Variants in ARHGAP4 observed in about 807,000 individuals in gnomAD.
The protein encoded by ARHGAP4 is rho GTPase-activating protein 4.
Under a neutral mutation model 67.6 loss-of-function variants are expected in ARHGAP4, and 25 were observed. The observed-to-expected ratio is 0.37, with a 90% CI of 0.27 to 0.52. The LOEUF is 0.52. Ranked by LOEUF, ARHGAP4 falls within the 20% of genes least tolerant of loss-of-function variation. The pLI, the probability that ARHGAP4 is intolerant of heterozygous loss-of-function variation, is 0.92. For synonymous variants in ARHGAP4, 448 were observed against 373.7 expected (o/e 1.20, Z -2.29); for missense variants, 804 against 854.6 (o/e 0.94, Z 0.74).
intron 1 of ARHGAP4, chrX:153,922,363 G>A (rs1557105548): frequency 2.6e-6 from 2 of 755,897 alleles, no homozygotes; most frequent in Non-Finnish European, 1.6e-6. Flanking sequence ...CCACAGTGAG[G>A]GCTGGGAGCC....
In ARHGAP4 at chrX:153,909,930, G is replaced by A. The variant is rs1557102475; in HGVS notation, c.2231-6C>T. On this transcript the variant is annotated splice_polypyrimidine_tract_variant and splice_region_variant and intron_variant, in intron 18 of 21. Transcript: ENST00000350060. ...CTCCACGACCCCCTCCAGGTCTGGG[G>A]AGGAGAGGGGGTCCAAGCTGTGGGA... 5.8e-6 allele frequency: 7 copies of A among 1,207,932 alleles called. No homozygotes were observed. In the East Asian group the frequency reaches 8.9e-5, roughly 15 times the overall value.
In ARHGAP4 at chrX:153,921,447, G is replaced by T. The variant is rs142621606; in HGVS notation, c.353C>A (p.Ala118Glu). ...CCCGGCCAGCACCTCACTCAGGGCC[G>T]CGCTCTCCCGGCTCTGCTGCCGCGT... is the stretch of plus-strand genomic sequence containing the variant. Reference protein sequence around the residue: ...QHTRQQSRESAALSEVLAGPL... With the variant: ...QHTRQQSRESEALSEVLAGPL... Residue 118 changes from alanine to glutamate, a missense_variant, in exon 3 of 22, where the codon GCG becomes GAG. This residue lies in a region of ARHGAP4 where 404 missense variants were observed against 505.9 expected (regional missense o/e 0.80). Transcript: ENST00000350060. The T allele has an allele frequency of 1.7e-6, 2 of 1,206,501 alleles. No individual in the cohort carries two copies. Among genetic ancestry groups the T allele is most frequent in the African/African-American group, 1.7e-5 (1 of 57,839 alleles).
At chrX:153,917,985 C>T (rs782017258) in intron 7 of ARHGAP4, among the ~76,000 whole-genome samples, 2 of 111,902 alleles carry the variant, frequency 1.8e-5, no homozygotes, top group South Asian at 3.7e-4. Flanking sequence ...GAGGACAGTG[C>T]TGGGACGAGG....
rs1441812482 is a variant in ARHGAP4 at position 153,909,510 on chromosome X, C to G, written c.2440G>C (p.Gly814Arg). ...AGTEKQVVGA[G>R]LQTAGESGSS... ...CCAGACTCCCCTGCAGTCTGCAGCCCTGCGCCCACCACCTGCTTCTCCGTC... is the reference window on the plus strand; with the variant it reads ...CCAGACTCCCCTGCAGTCTGCAGCCGTGCGCCCACCACCTGCTTCTCCGTC... Residue 814 changes from glycine to arginine, a missense_variant, in exon 20 of 22, where the codon GGG (glycine) becomes CGG (arginine). Gly to Arg is a moderately radical substitution (Grantham distance 125). Coordinates refer to ENST00000350060, the MANE Select transcript of ARHGAP4 (RefSeq NM_001666.5). The G allele has an allele frequency of 1.9e-5, 23 of 1,208,298 alleles. No individual in the cohort carries two copies. Among genetic ancestry groups the G allele is most frequent in the Non-Finnish European group, 4.5e-6 (4 of 894,273 alleles).
rs782603829 is a variant in ARHGAP4 at position 153,907,747 on chromosome X, C to T, written c.2823G>A (p.Thr941=). The change falls in exon 22 of 22, where the codon ACG becomes ACA. Residue 941 remains threonine, a synonymous_variant. Transcript: ENST00000350060. ...CGGCACCTCAGTGTGGCTTGGGGGT[C>T]GTGTCTAGGCCCTGGGGGTGGGAAG... ...PSASHPQGLD[T]TPKPH 47 of 999,551 alleles carry T rather than the reference C, an allele frequency of 4.7e-5. No individual in the cohort carries two copies. The highest frequency in any genetic ancestry group is 2.3e-4 in the Admixed American group (6 of 25,822). 82.4% of individuals were successfully genotyped at this position (999,551 alleles called of 1,213,427 possible). A position where few individuals can be genotyped will look rare whatever the true frequency, so the allele number is the denominator to read the frequency against.
At chrX:153,912,941 G>A (rs2065030973) in intron 11 of ARHGAP4, 83 bp downstream of exon 11, 1 of 1,140,106 alleles carries the variant, frequency 8.8e-7, no homozygotes, top group African/African-American at 1.8e-5. Flanking sequence ...GTGAGGCCCA[G>A]GGGATTGGGC....
rs782406427 is a variant in ARHGAP4 at position 153,910,329 on chromosome X, C to T, written c.1998G>A (p.Pro666=). 7.4e-6 allele frequency: 9 copies of T among 1,208,841 alleles called. No individual in the cohort carries two copies. The highest frequency in any genetic ancestry group is 5.9e-5 in the East Asian group (2 of 33,761). The change falls in exon 17 of 22, where the codon CCG becomes CCA. Residue 666 remains proline (P), a synonymous_variant. Coordinates refer to ENST00000350060, the MANE Select transcript of ARHGAP4 (RefSeq NM_001666.5). ...CCACCGGGTCCTGCCCAGCGGGCAC[C>T]GGTAGCAGCGTGGGCCCGAAGCACA... is the stretch of plus-strand genomic sequence containing the variant. ...LAVCFGPTLL[P]VPAGQDPVAL...
At chrX:153,924,528 T>C (rs2065115334) in intron 1 of ARHGAP4, among the ~76,000 whole-genome samples, 1 of 111,848 alleles carries the variant, frequency 8.9e-6, no homozygotes, top group African/African-American at 3.3e-5. Context: ...ATTATCATAA[T>C]GCAAAGTCTA....
chrX:153,918,776 C>A (rs1179953396), intron 7 of ARHGAP4, 56 bp downstream of exon 7: 12 of 1,134,361 alleles, frequency 1.1e-5, no homozygotes, highest in Non-Finnish European at 1.4e-5. Context: ...CACTCCACTG[C>A]CCACCATTAC....
intron 7 of ARHGAP4, among the ~76,000 whole-genome samples, chrX:153,916,066 T>C (rs1557104232): frequency 9.0e-6 from 1 of 111,547 alleles, no homozygotes. Flanking sequence ...CTGTGTGACC[T>C]TGATGGGCGA....
At position 153,926,104 on chromosome X, in the gene ARHGAP4, A is replaced by C. The variant is rs781825949; in HGVS notation, c.67+32T>G. On this transcript the variant is annotated intron_variant, in intron 1 of 21. Coordinates refer to ENST00000350060, the MANE Select transcript of ARHGAP4 (RefSeq NM_001666.5). ...CTCACGACCTTGGGTTCTCCGCAGGAAACGGGCCGGGAGCGCCCGGCGCCC... is the reference window on the plus strand; with the variant it reads ...CTCACGACCTTGGGTTCTCCGCAGGCAACGGGCCGGGAGCGCCCGGCGCCC... The C allele has an allele frequency of 2.5e-6, 3 of 1,199,157 alleles. No individual in the cohort carries two copies. The Admixed American group carries it at 6.6e-5, about 26-fold the overall frequency.
chrX:153,908,008 A>G, intron 21 of ARHGAP4, 46 bp from the exon 22 acceptor site: 1 of 1,103,124 alleles, frequency 9.1e-7, no homozygotes, highest in East Asian at 3.5e-5. Flanking sequence ...AGTTCCCCCG[A>G]CTGACCCTGC....
At position 153,909,147 on chromosome X, in the gene ARHGAP4, C is replaced by T; in HGVS notation, c.2530G>A (p.Glu844Lys). 2 of 1,210,269 alleles carry T rather than the reference C, an allele frequency of 1.7e-6. No individual in the cohort carries two copies. The highest frequency in any genetic ancestry group is 1.1e-6 in the Non-Finnish European group (1 of 894,973). Residue 844 changes from glutamate (E) to lysine (K), a missense_variant, in exon 21 of 22, where the codon GAG (glutamate) becomes AAG (lysine). Coordinates refer to ENST00000350060, the MANE Select transcript of ARHGAP4 (RefSeq NM_001666.5). ...CTGTGTCCAGAGGGTCCCATGGCCT[C>T]AGGTGAGGTGCATGGCTCTGGCCTG... ...VHRPEPCTSPEAMGPSGHRRR... is the reference protein window; with the variant it reads ...VHRPEPCTSPKAMGPSGHRRR...
chrX:153,921,572 CT>C (rs782815637), intron 2 of ARHGAP4, 32 bp downstream of exon 2: 30 of 1,202,916 alleles, frequency 2.5e-5, no homozygotes, highest in Non-Finnish European at 3.3e-5. Flanking sequence ...AGCTTGGGCC[CT>C]GCCGTGGCCC....
rs782347237 is a variant in ARHGAP4, at chrX:153,921,708, C to T, written c.169G>A (p.Ala57Thr). 3.3e-6 allele frequency: 4 copies of T among 1,203,984 alleles called. No homozygotes were observed. Among genetic ancestry groups the T allele is most frequent in the South Asian group, 1.8e-5 (1 of 55,927 alleles). Residue 57 changes from alanine (A) to threonine (T), a missense_variant, in exon 2 of 22, where the codon GCT becomes ACT. Ala to Thr is a moderately conservative substitution (Grantham distance 58, BLOSUM62 0). Transcript: ENST00000350060. ...QELAEFMRRR[A>T]EVELEYSRGL... ...CGGGAGTATTCCAGCTCCACCTCAGCGCGGCGCCGCATGAACTCTGCCAGC... is the reference window on the plus strand; with the variant it reads ...CGGGAGTATTCCAGCTCCACCTCAGTGCGGCGCCGCATGAACTCTGCCAGC...
At chrX:153,910,140 C>A (rs955020209) in intron 17 of ARHGAP4, 31 bp downstream of exon 17, 1 of 1,210,616 alleles carries the variant, frequency 8.3e-7, no homozygotes, top group Admixed American at 2.2e-5. Context: ...CAGTGGACCC[C>A]CCAGTCCCCT....
At chrX:153,910,895 A>ACCCCCC in intron 14 of ARHGAP4, 27 bp downstream of exon 14, 3 of 472,474 alleles carry the variant, frequency 6.3e-6, no homozygotes, top group Non-Finnish European at 5.8e-6. Context: ...CCGAGCCCCC[A>ACCCCCC]CCCCCGCCCG....
At chrX:153,909,416 C>G (rs201366489) in intron 20 of ARHGAP4, 27 bp downstream of exon 20, 5 of 935,843 alleles carry the variant, frequency 5.3e-6, no homozygotes, top group East Asian at 3.3e-5. Flanking sequence ...ACACGTGTGG[C>G]CCCCTGAGCC....
rs1557102152 is a variant in ARHGAP4 at position 153,909,447 on chromosome X, G to A, written c.2503C>T (p.His835Tyr). ...PEGLLASELV[H>Y]RPEPCTSPEA... ...GAGCCCCGTCTTCTTGCTCACCGGT[G>A]GACCAGCTCCGATGCCAGGAGGCCC... Residue 835 changes from histidine to tyrosine, a missense_variant, in exon 20 of 22, where the codon CAC (histidine) becomes TAC (tyrosine). By Grantham distance (83) the His-to-Tyr change is moderately conservative. Around this residue, in one of 2 missense-constraint regions of ARHGAP4, gnomAD observed 400 missense variants for 348.7 expected, o/e 1.15. Coordinates refer to ENST00000350060, the MANE Select transcript of ARHGAP4 (RefSeq NM_001666.5). 3 of 1,196,460 alleles carry A rather than the reference G, an allele frequency of 2.5e-6. No homozygotes were observed. The highest frequency in any genetic ancestry group is 3.0e-5 in the East Asian group (1 of 33,700).
Sources: allele counts gnomAD v4.1 joint callset (sites outside exome capture counted in the v4.1 genomes callset), GRCh38; gene constraint gnomAD v4.1.1; regional missense constraint gnomAD v4.1.1; transcripts MANE v1.5; gene names NCBI Gene and HGNC (gene_info 2026-07-23, HGNC 2026-07-21).